FUT8: variants seen among roughly 807,000 people sequenced by gnomAD.
FUT8 encodes fucosyltransferase 8.
A neutral mutation model predicts 71.3 loss-of-function variants in FUT8; 29 were observed. The observed-to-expected ratio is 0.41, with a 90% CI of 0.30 to 0.55. The LOEUF (loss-of-function observed/expected upper bound fraction) is 0.55. Among genes scored for constraint, FUT8 ranks in the 20% least tolerant of loss-of-function variants. The pLI, the probability that FUT8 is intolerant of heterozygous loss-of-function variation, is 0.34. For missense variants in FUT8, 544 were observed against 702.1 expected (o/e 0.77, Z 2.55); for synonymous variants, 254 against 239.3 (o/e 1.06, Z -0.57).
intron 2 of FUT8, among the ~76,000 whole-genome samples, chr14:65,554,244 C>T (rs1885454344): frequency 1.3e-5 from 2 of 151,500 alleles, no homozygotes; most frequent in Non-Finnish European, 2.9e-5. Flanking sequence ...TCTTCTTTGC[C>T]GAATCCCTTA....
At chr14:65,664,390 T>C (rs1892109956) in intron 6 of FUT8, among the ~76,000 whole-genome samples, 1 of 152,154 alleles carries the variant, frequency 6.6e-6, no homozygotes, top group South Asian at 2.1e-4. Flanking sequence ...GTGAGAATGC[T>C]TATTGCTTTA....
intron 3 of FUT8, among the ~76,000 whole-genome samples, chr14:65,567,771 G>A (rs545097136): frequency 2.0e-5 from 3 of 151,882 alleles, no homozygotes; most frequent in African/African-American, 7.2e-5. Flanking sequence ...GCCTGATTAA[G>A]CAGATATTCT....
At chr14:65,445,421 A>G (rs2065724318) in intron 1 of FUT8, among the ~76,000 whole-genome samples, 1 of 152,154 alleles carries the variant, frequency 6.6e-6, no homozygotes, top group Non-Finnish European at 1.5e-5. Context: ...TCTCTCAGGT[A>G]TTCTGTTATG....
In FUT8 at chr14:65,717,569, C is replaced by T. The variant is rs866712303; in HGVS notation, c.836-4206C>T. Among the ~76,000 whole-genome samples, 8 of 129,530 alleles carry T rather than the reference C, an allele frequency of 6.2e-5. No homozygotes were observed. The Middle Eastern group carries it at 0.027, about 444-fold the overall frequency. 85.0% of individuals were successfully genotyped at this position (129,530 alleles called of 152,430 possible). On this transcript the variant is annotated intron_variant, in intron 7 of 10. Coordinates refer to ENST00000673929, the MANE Select transcript of FUT8 (RefSeq NM_001371533.1). ...CCTCACATCCCAGACGATGGGCGGC[C>T]GGGCAGAGACGCTCCTCACCTCCCA...
At chr14:65,409,338 G>T (rs776527377), upstream of FUT8, among the ~76,000 whole-genome samples, 8 of 152,146 alleles carry the variant, frequency 5.3e-5, no homozygotes, top group Non-Finnish European at 8.8e-5. This position sits in a 1 kb window ranked among gnomAD's most constrained non-coding sequence, Gnocchi z 5.4. Context: ...AAACTATTTG[G>T]TAAGTAGCTT....
the FUT8 span, among the ~76,000 whole-genome samples, chr14:65,391,029 T>C: frequency 1.3e-5 from 2 of 152,104 alleles, no homozygotes; most frequent in African/African-American, 4.8e-5. Context: ...CCCGGCCTAA[T>C]TTCCTATTCT....
Position 65,739,530 on chromosome 14 carries a change from C to T in FUT8, c.1411-2563C>T, listed in dbSNP as rs140784425. 7.3e-4 allele frequency among the ~76,000 whole-genome samples: 111 copies of T among 152,046 alleles called. 1 individual carries two copies. The highest frequency in any genetic ancestry group is 2.0e-3 in the African/African-American group (82 of 41,508). On this transcript the variant is annotated intron_variant, in intron 10 of 10. Transcript: ENST00000673929. The stretch of plus-strand genomic sequence containing the variant: ...CGATGTTGTTTTTATGAGAGTAAGA[C>T]GTTTAAGAGTGGAGAGGAGGAAACA...
the FUT8 span, among the ~76,000 whole-genome samples, chr14:65,401,533 T>C: frequency 2.0e-5 from 3 of 152,118 alleles, no homozygotes; most frequent in Non-Finnish European, 4.4e-5. Context: ...TAAGATAGTA[T>C]CTATGCCGTA....
intron 7 of FUT8, among the ~76,000 whole-genome samples, chr14:65,671,895 C>T (rs906241157): frequency 6.6e-6 from 1 of 152,152 alleles, no homozygotes; most frequent in African/African-American, 2.4e-5. Flanking sequence ...AGTCATAAAT[C>T]AGCTGTGTCT....
chr14:65,468,574 G>GA (rs1686553129), intron 2 of FUT8, among the ~76,000 whole-genome samples: 1 of 151,666 alleles, frequency 6.6e-6, no homozygotes, highest in Non-Finnish European at 1.5e-5. Flanking sequence ...AGTTAATAAG[G>GA]AAAAAACTAA....
chr14:65,566,079 G>C (rs55919889), intron 3 of FUT8, among the ~76,000 whole-genome samples: 1,529 of 151,948 alleles, frequency 0.01, 10 homozygotes, highest in Non-Finnish European at 0.016. Context: ...CACTCATGTG[G>C]CTGCAGTCAT....
intron 2 of FUT8, among the ~76,000 whole-genome samples, chr14:65,469,525 T>C (rs1248202481): frequency 6.6e-6 from 1 of 152,236 alleles, no homozygotes; most frequent in African/African-American, 2.4e-5. Flanking sequence ...CCCGAGTTCT[T>C]GTCCTGTGTC....
chr14:65,475,894 G>A (rs973455850), intron 2 of FUT8, among the ~76,000 whole-genome samples: 6 of 152,086 alleles, frequency 3.9e-5, no homozygotes, highest in African/African-American at 1.4e-4. Flanking sequence ...GGAATTTGAG[G>A]CCTGCTACTG....
chr14:65,619,727 A>G (rs1889500795), intron 5 of FUT8, among the ~76,000 whole-genome samples: 1 of 152,168 alleles, frequency 6.6e-6, no homozygotes, highest in Non-Finnish European at 1.5e-5. Context: ...ATTGATATCA[A>G]GTTTTAGCAT....
intron 3 of FUT8, among the ~76,000 whole-genome samples, chr14:65,581,860 T>A (rs1887110607): frequency 6.6e-6 from 1 of 152,172 alleles, no homozygotes; most frequent in South Asian, 2.1e-4. Context: ...TATTTATGAC[T>A]TTTCTGTTTT....
intron 1 of FUT8, among the ~76,000 whole-genome samples, chr14:65,419,857 C>G (rs980612610): frequency 6.6e-6 from 1 of 152,138 alleles, no homozygotes; most frequent in Non-Finnish European, 1.5e-5. Flanking sequence ...TACTGATAAC[C>G]CTGATTGCTT....
chr14:65,575,539 A>G (rs1341067756), intron 3 of FUT8, among the ~76,000 whole-genome samples: 1 of 151,034 alleles, frequency 6.6e-6, no homozygotes, highest in Non-Finnish European at 1.5e-5. Flanking sequence ...CTGTTCACTT[A>G]GAACCAACCT....
rs941801089 is a variant in FUT8, at chr14:65,650,850, A to G, written c.598-18393A>G. Among the ~76,000 whole-genome samples, 3 of 152,086 alleles carry G rather than the reference A, an allele frequency of 2.0e-5. No individual in the cohort carries two copies. In the East Asian group the frequency reaches 5.8e-4, roughly 29 times the overall value. On this transcript the variant is annotated intron_variant, in intron 6 of 10. Coordinates refer to ENST00000673929, the MANE Select transcript of FUT8 (RefSeq NM_001371533.1). The stretch of plus-strand genomic sequence containing the variant: ...CAGCTAGAAACCTTAGTGGACAGAG[A>G]GGGGGGAAAAAAAAGCCCCATTTTA...
chr14:65,581,396 C>T (rs997573951), intron 3 of FUT8, among the ~76,000 whole-genome samples: 5 of 152,032 alleles, frequency 3.3e-5, no homozygotes, highest in African/African-American at 7.2e-5. Flanking sequence ...GGTATTTACC[C>T]GTGAAGTAAA....
Sources: allele counts gnomAD v4.1 joint callset (sites outside exome capture counted in the v4.1 genomes callset), GRCh38; gene constraint gnomAD v4.1.1; non-coding constraint Gnocchi (gnomAD v3.1); transcripts MANE v1.5; gene names NCBI Gene and HGNC (gene_info 2026-07-23, HGNC 2026-07-21).